Variants in PARPBP observed in about 807,000 individuals in gnomAD.
PARPBP encodes PARP1 binding protein.
Under a neutral mutation model 50.0 loss-of-function variants are expected in PARPBP, and 52 were observed. The ratio of observed to expected loss-of-function variants is 1.04; its 90% CI spans 0.83 to 1.31. PARPBP has a LOEUF of 1.31. Ranked by LOEUF, PARPBP falls within the 50% of genes most tolerant of loss-of-function variation. PARPBP has a pLI of 0.00. For synonymous variants in PARPBP, 244 were observed against 232.1 expected, an observed-to-expected ratio of 1.05 and a Z score of -0.47; for missense variants, 697 against 672.0, an observed-to-expected ratio of 1.04 and a Z score of -0.41.
chr12:102,120,852 G>C (rs1047214799), intron 1 of PARPBP, among the ~76,000 whole-genome samples: 1 of 152,290 alleles, frequency 6.6e-6, no homozygotes, highest in East Asian at 1.9e-4. Flanking sequence ...AAGGACTACA[G>C]GTCATAAAGG....
intron 1 of PARPBP, among the ~76,000 whole-genome samples, chr12:102,121,717 C>T (rs1881145507): frequency 6.6e-6 from 1 of 151,970 alleles, no homozygotes; most frequent in Non-Finnish European, 1.5e-5. Flanking sequence ...CCACACCCAG[C>T]TAATTTTTAG....
intron 2 of PARPBP, among the ~76,000 whole-genome samples, chr12:102,124,948 C>A (rs1414434976): frequency 6.6e-6 from 1 of 152,018 alleles, no homozygotes; most frequent in Non-Finnish European, 1.5e-5. Flanking sequence ...ATACTATGAT[C>A]ATCATTTTGA....
chr12:102,192,333 T>C (rs895712954), intron 9 of PARPBP, among the ~76,000 whole-genome samples: 3 of 152,120 alleles, frequency 2.0e-5, no homozygotes, highest in African/African-American at 7.2e-5. Context: ...GTGAGGTAAA[T>C]ATTCCCATTA....
intron 2 of PARPBP, among the ~76,000 whole-genome samples, chr12:102,124,873 CACTG>C (rs1209635261): frequency 2.6e-5 from 4 of 152,106 alleles, no homozygotes; most frequent in African/African-American, 9.7e-5. Context: ...AATTATTAGA[CACTG>C]ACAGATTTTA....
At position 102,176,693 on chromosome 12, in the gene PARPBP, G is replaced by A. The variant is rs1486812880; in HGVS notation, c.1005+1027G>A. 2.0e-5 allele frequency among the ~76,000 whole-genome samples: 3 copies of A among 152,132 alleles called. No homozygotes were observed. In the East Asian group the frequency reaches 5.8e-4, roughly 29 times the overall value. ...CTTTTTATTAGGTATGATTATGGTA[G>A]CCAGTGTATGAAGAAAGACTTTTGC... On this transcript the variant is annotated intron_variant, in intron 7 of 10. Coordinates refer to ENST00000327680, the MANE Select transcript of PARPBP (RefSeq NM_017915.5).
chr12:102,190,314 T>A (rs1309954516), intron 9 of PARPBP, among the ~76,000 whole-genome samples: 2 of 152,160 alleles, frequency 1.3e-5, no homozygotes, highest in East Asian at 3.9e-4. Context: ...AAACAGTAAG[T>A]ACCTCCTGGA....
intron 9 of PARPBP, among the ~76,000 whole-genome samples, chr12:102,187,973 C>G (rs1370623903): frequency 6.6e-6 from 1 of 152,128 alleles, no homozygotes; most frequent in Non-Finnish European, 1.5e-5. Flanking sequence ...CTATTGTCAG[C>G]TGCTTTCTTC....
chr12:102,196,556 A>G lies in PARPBP; in HGVS notation c.*265A>G. On this transcript the variant is annotated 3_prime_UTR_variant, in exon 11 of 11. Coordinates refer to ENST00000327680, the MANE Select transcript of PARPBP (RefSeq NM_017915.5). ...TACTTTCTTTTAAAACAGACATTTA[A>G]CATACACAAGTTATAGTAGCAGTAT... 2.2e-6 allele frequency: 2 copies of G among 895,564 alleles called. No individual in the cohort carries two copies. The highest frequency in any genetic ancestry group is 3.8e-6 in the Non-Finnish European group (2 of 531,926). 55.5% of individuals were successfully genotyped at this position (895,564 alleles called of 1,614,324 possible).
At chr12:102,128,755 CTTGGCTA>C (rs1882403954) in intron 2 of PARPBP, among the ~76,000 whole-genome samples, 1 of 152,164 alleles carries the variant, frequency 6.6e-6, no homozygotes, top group Admixed American at 6.5e-5. Flanking sequence ...GATTCCATAT[CTTGGCTA>C]TTGTGAACAA....
At chr12:102,158,865 A>G (rs1347084444) in intron 4 of PARPBP, among the ~76,000 whole-genome samples, 3 of 152,334 alleles carry the variant, frequency 2.0e-5, no homozygotes, top group East Asian at 1.9e-4. Flanking sequence ...TTCGGCTTAT[A>G]AAGTTTAAAG....
chr12:102,129,224 G>A (rs889638837), intron 2 of PARPBP, among the ~76,000 whole-genome samples: 2 of 152,100 alleles, frequency 1.3e-5, no homozygotes, highest in Non-Finnish European at 2.9e-5. Context: ...CTAGGCTCAA[G>A]AATTCTCCTG....
chr12:102,181,326 T>A (rs1889806529), intron 8 of PARPBP, among the ~76,000 whole-genome samples: 1 of 152,214 alleles, frequency 6.6e-6, no homozygotes, highest in Non-Finnish European at 1.5e-5. Flanking sequence ...ATGACACTTT[T>A]ATAAAGTACA....
intron 7 of PARPBP, among the ~76,000 whole-genome samples, chr12:102,176,459 C>T (rs1456409753): frequency 7.9e-5 from 12 of 152,052 alleles, no homozygotes; most frequent in Non-Finnish European, 2.9e-5. Flanking sequence ...TGTTTTCTAC[C>T]TCCATTACTA....
At chr12:102,149,847 T>C (rs183393342) in intron 3 of PARPBP, among the ~76,000 whole-genome samples, 24 of 152,350 alleles carry the variant, frequency 1.6e-4, no homozygotes, top group Non-Finnish European at 2.9e-4. Context: ...TTTTAAATTC[T>C]TCCTTAGCTA....
intron 9 of PARPBP, among the ~76,000 whole-genome samples, chr12:102,193,189 G>T (rs995776222): frequency 2.0e-5 from 3 of 151,696 alleles, no homozygotes; most frequent in African/African-American, 7.3e-5. Context: ...CTTATTTTGT[G>T]ACTATTTGCA....
intron 2 of PARPBP, among the ~76,000 whole-genome samples, chr12:102,127,415 A>G (rs2137182583): frequency 6.6e-6 from 1 of 151,868 alleles, no homozygotes; most frequent in African/African-American, 2.4e-5. Context: ...AAAAAAAAAG[A>G]AATTACATTT....
At chr12:102,126,289 A>G (rs959831974) in intron 2 of PARPBP, among the ~76,000 whole-genome samples, 3 of 152,200 alleles carry the variant, frequency 2.0e-5, no homozygotes, top group Admixed American at 6.5e-5. Flanking sequence ...TGAAACAAAC[A>G]CAAGCCCCAC....
intron 2 of PARPBP, among the ~76,000 whole-genome samples, chr12:102,140,914 A>G (rs111813741): frequency 1.3e-5 from 2 of 152,330 alleles, no homozygotes; most frequent in South Asian, 2.1e-4. Context: ...TTAGTGGTCA[A>G]TTTTGGAATA....
intron 7 of PARPBP, among the ~76,000 whole-genome samples, chr12:102,177,623 A>G (rs907136535): frequency 2.0e-5 from 3 of 152,006 alleles, no homozygotes; most frequent in Admixed American, 2.0e-4. Context: ...CTGTTCTATT[A>G]TAGTCTTTAA....
Sources: gnomAD v4.1 joint callset for allele counts (sites outside exome capture counted in the v4.1 genomes callset) on GRCh38, gnomAD v4.1.1 for gene constraint, MANE v1.5 for transcripts, NCBI Gene and HGNC (gene_info 2026-07-23, HGNC 2026-07-21) for gene names.